The following TBC1D7 variants were observed in gnomAD, a reference collection of about 807,000 sequenced individuals.
The protein encoded by TBC1D7 is TBC1 domain family member 7.
Under a neutral mutation model 35.3 loss-of-function variants are expected in TBC1D7, and 33 were observed. That is an observed-to-expected ratio of 0.93 (90% confidence interval 0.71 to 1.25). The LOEUF is 1.25. Ranked by LOEUF, TBC1D7 falls within the 50% of genes most tolerant of loss-of-function variation. The pLI, the probability that TBC1D7 is intolerant of heterozygous loss-of-function variation, is 0.00. For missense variants in TBC1D7, 362 were observed against 365.3 expected, an observed-to-expected ratio of 0.99 and a Z score of 0.07; for synonymous variants, 135 against 129.5, an observed-to-expected ratio of 1.04 and a Z score of -0.29.
intron 5 of TBC1D7, among the ~76,000 whole-genome samples, chr6:13,314,304 G>A (rs141867478): frequency 1.6e-4 from 25 of 152,268 alleles, no homozygotes; most frequent in African/African-American, 6.0e-4. Flanking sequence ...TTACTTCTTA[G>A]AAGGAGAAGT....
At chr6:13,309,653 C>A (rs1173344019) in intron 5 of TBC1D7, among the ~76,000 whole-genome samples, 1 of 152,172 alleles carries the variant, frequency 6.6e-6, no homozygotes, top group African/African-American at 2.4e-5. Flanking sequence ...TAATCACACT[C>A]CCAATGATAA....
chr6:13,327,535 T>C (rs1222162478), intron 1 of TBC1D7: 6 of 152,212 alleles, frequency 3.9e-5, no homozygotes, highest in African/African-American at 1.4e-4. Flanking sequence ...TTAAACACAA[T>C]TCTATTAAGT....
rs1203860603 is a variant in TBC1D7, at chr6:13,328,503, G to GCCGCTA, written c.-217_-216insTAGCGG. On this transcript the variant is annotated 5_prime_UTR_variant, in exon 1 of 8. Coordinates refer to ENST00000379300, the MANE Select transcript of TBC1D7 (RefSeq NM_016495.6). ...GACGGCCCGGGAGACAAAACTCAGC[G>GCCGCTA]CCGCTGCCGCTGCCGCTGCCGCCGC... 1 of 93,936 alleles carries GCCGCTA rather than the reference G, an allele frequency of 1.1e-5. No individual in the cohort carries two copies. The highest frequency in any genetic ancestry group is 4.5e-5 in the African/African-American group (1 of 22,106). 5.8% of individuals were successfully genotyped at this position (93,936 alleles called of 1,614,324 possible).
At chr6:13,310,192 A>G (rs1441930579) in intron 5 of TBC1D7, among the ~76,000 whole-genome samples, 1 of 152,230 alleles carries the variant, frequency 6.6e-6, no homozygotes, top group Non-Finnish European at 1.5e-5. Flanking sequence ...ATATACTAGC[A>G]AACACATGAG....
At chr6:13,326,103 C>T (rs1336810165) in intron 2 of TBC1D7, among the ~76,000 whole-genome samples, 2 of 152,180 alleles carry the variant, frequency 1.3e-5, no homozygotes, top group African/African-American at 4.8e-5. Context: ...TAGTCAACAA[C>T]AGACCTTATT....
At chr6:13,306,617 G>A in intron 6 of TBC1D7, 90 bp from the exon 7 acceptor site, 1 of 1,083,958 alleles carries the variant, frequency 9.2e-7, no homozygotes, top group Admixed American at 2.8e-5. Flanking sequence ...AAATCAAATT[G>A]CTCCAATTTT....
In TBC1D7 at chr6:13,311,641, A is replaced by G. The variant is rs147349737; in HGVS notation, c.520-3896T>C. ...TTTCTGAGAACTTCATAACTACTTA[A>G]AACTACTTGCTAGGCACTGTAATGC... On this transcript the variant is annotated intron_variant, in intron 5 of 7. Transcript: ENST00000379300. 1.7e-3 allele frequency among the ~76,000 whole-genome samples: 264 copies of G among 152,322 alleles called. 1 individual carries two copies. The highest frequency in any genetic ancestry group is 5.7e-3 in the African/African-American group (237 of 41,576).
At chr6:13,321,157 A>G in intron 3 of TBC1D7, 62 bp from the exon 4 acceptor site, 1 of 1,464,208 alleles carries the variant, frequency 6.8e-7, no homozygotes, top group Non-Finnish European at 9.3e-7. Context: ...CAAATCCCTC[A>G]TCTATGAAAG....
rs1782714680 is a variant in TBC1D7 at position 13,305,049 on chromosome 6, ACACAATGCT to A, written c.*43_*51del. 1.4e-6 allele frequency: 2 copies of A among 1,428,628 alleles called. No individual in the cohort carries two copies. The highest frequency in any genetic ancestry group is 2.6e-5 in the South Asian group (2 of 78,050). 88.5% of individuals were successfully genotyped at this position (1,428,628 alleles called of 1,614,324 possible). A position where few individuals can be genotyped will look rare whatever the true frequency, so the allele number is the denominator to read the frequency against. On this transcript the variant is annotated 3_prime_UTR_variant, in exon 8 of 8. Transcript: ENST00000379300. ...CAGTTTCCCAGATCACATGCCAAGA[ACACAATGCT>A]CACTGTGGTGCCTGGCAGACGGTCC...
chr6:13,316,791 T>A, intron 4 of TBC1D7, 83 bp from the exon 5 acceptor site: 2 of 1,526,286 alleles, frequency 1.3e-6, no homozygotes, highest in Non-Finnish European at 1.8e-6. Context: ...GAAACCTTGC[T>A]CCCTAAATTT....
chr6:13,306,607 A>C (rs140320143), intron 6 of TBC1D7, 80 bp from the exon 7 acceptor site: 2 of 1,162,266 alleles, frequency 1.7e-6, no homozygotes, highest in Non-Finnish European at 2.3e-6. Flanking sequence ...TTACAAAATA[A>C]AATCAAATTG....
At chr6:13,309,588 T>A (rs1308632048) in intron 5 of TBC1D7, among the ~76,000 whole-genome samples, 1 of 151,246 alleles carries the variant, frequency 6.6e-6, no homozygotes, top group African/African-American at 2.5e-5. Flanking sequence ...TTATAGCCTA[T>A]TATAAGAAAT....
intron 5 of TBC1D7, among the ~76,000 whole-genome samples, chr6:13,313,739 A>G (rs1283173444): frequency 6.6e-6 from 1 of 152,158 alleles, no homozygotes; most frequent in Non-Finnish European, 1.5e-5. Flanking sequence ...AGCTTTTAAG[A>G]AATTAGAATT....
chr6:13,316,386 A>G (rs1322109913), intron 5 of TBC1D7, among the ~76,000 whole-genome samples, 185 bp downstream of exon 5: 1 of 152,190 alleles, frequency 6.6e-6, no homozygotes, highest in Non-Finnish European at 1.5e-5. Flanking sequence ...GTTACAATAG[A>G]GACCATCTGG....
rs1360307791 is a variant in TBC1D7, at chr6:13,328,336, C to T, written c.-49G>A. The T allele has an allele frequency of 6.6e-6, 1 of 152,626 alleles. No individual in the cohort carries two copies. Among genetic ancestry groups the T allele is most frequent in the Non-Finnish European group, 1.5e-5 (1 of 68,296 alleles). 9.5% of individuals were successfully genotyped at this position (152,626 alleles called of 1,614,324 possible). The stretch of plus-strand genomic sequence containing the variant: ...CACACCCGGGTTGAGACTAAGTGGT[C>T]CGGGAGAAGCAGAGGAAGCCGTGCC... On this transcript the variant is annotated 5_prime_UTR_variant, in exon 1 of 8. Transcript: ENST00000379300.
chr6:13,323,035 C>T (rs1784153071), intron 3 of TBC1D7, among the ~76,000 whole-genome samples: 2 of 152,208 alleles, frequency 1.3e-5, no homozygotes, highest in South Asian at 4.1e-4. Flanking sequence ...AGTGCCTTGT[C>T]CTCAAAAAAT....
rs1784009993 is a variant in TBC1D7, at chr6:13,321,074, T to A, written c.215A>T (p.Glu72Val). Residue 72 changes from glutamate (E) to valine (V), a missense_variant, in exon 4 of 8, where the codon GAG (glutamate) becomes GTG (valine). By Grantham distance (121) the Glu-to-Val change is moderately radical. Transcript: ENST00000379300. ...ATACATCATCACCTTGGCATGGGAC[T>A]CGTGGTGTGGAGGCAAGATTCCTAG... is the stretch of plus-strand genomic sequence containing the variant. ...VLLGILPPHH[E>V]SHAKVMMYRK... is the part of the protein sequence containing the mutation. 1 of 1,613,294 alleles carries A rather than the reference T, an allele frequency of 6.2e-7. No homozygotes were observed. The highest frequency in any genetic ancestry group is 2.2e-5 in the East Asian group (1 of 44,868).
rs1783239577 is a variant in TBC1D7, at chr6:13,311,889, G to C, written c.520-4144C>G. Among the ~76,000 whole-genome samples, 4 of 151,346 alleles carry C rather than the reference G, an allele frequency of 2.6e-5. No homozygotes were observed. In the South Asian group the frequency reaches 8.3e-4, roughly 32 times the overall value. On this transcript the variant is annotated intron_variant, in intron 5 of 7. Coordinates refer to ENST00000379300, the MANE Select transcript of TBC1D7 (RefSeq NM_016495.6). ...AATCATGTGATTTGGCCCAGGAATAGACAAATACCTCAATGGAATAAAAAG... is the reference window on the plus strand; with the variant it reads ...AATCATGTGATTTGGCCCAGGAATACACAAATACCTCAATGGAATAAAAAG...
intron 5 of TBC1D7, among the ~76,000 whole-genome samples, chr6:13,313,497 T>C (rs1783378052): frequency 6.6e-6 from 1 of 152,126 alleles, no homozygotes; most frequent in Non-Finnish European, 1.5e-5. Context: ...AATAAATGAA[T>C]AGATTTTAAA....
Sources: gnomAD v4.1 joint callset for allele counts (sites outside exome capture counted in the v4.1 genomes callset) on GRCh38, gnomAD v4.1.1 for gene constraint, MANE v1.5 for transcripts, NCBI Gene and HGNC (gene_info 2026-07-23, HGNC 2026-07-21) for gene names.